The following CAMK4 variants were observed in gnomAD, a reference collection of about 807,000 sequenced individuals.
CAMK4 encodes calcium/calmodulin dependent protein kinase IV, also known as calcium/calmodulin-dependent protein kinase type IV.
In CAMK4, 22 loss-of-function variants were observed where a neutral mutation model predicts 44.9. That is an observed-to-expected ratio of 0.49 (90% CI 0.35 to 0.70). CAMK4 has a LOEUF of 0.70. Ranked by LOEUF, CAMK4 falls within the 30% of genes least tolerant of loss-of-function variation. CAMK4 has a pLI of 0.01. For synonymous variants in CAMK4, 218 were observed against 215.4 expected, an observed-to-expected ratio of 1.01 and a Z score of -0.11; for missense variants, 498 against 586.8, an observed-to-expected ratio of 0.85 and a Z score of 1.56.
intron 4 of CAMK4, among the ~76,000 whole-genome samples, chr5:111,378,193 A>G (rs771567829): frequency 6.6e-6 from 1 of 152,080 alleles, no homozygotes; most frequent in Non-Finnish European, 1.5e-5. Context: ...TTTACTATGT[A>G]AGGACACAGC....
intron 2 of CAMK4, among the ~76,000 whole-genome samples, chr5:111,354,876 C>T (rs779219831): frequency 1.3e-5 from 2 of 152,052 alleles, no homozygotes; most frequent in African/African-American, 4.8e-5. Flanking sequence ...AATGGAGATT[C>T]CCTGCTCTGT....
Position 111,478,857 on chromosome 5 carries a change from A to C in CAMK4, c.828+350A>C, listed in dbSNP as rs548953001. Among the ~76,000 whole-genome samples the C allele has an allele frequency of 3.1e-4, 47 of 152,232 alleles. 1 individual carries two copies. The South Asian group carries it at 9.7e-3, about 32-fold the overall frequency. On this transcript the variant is annotated intron_variant, in intron 9 of 10. Transcript: ENST00000282356. The stretch of plus-strand genomic sequence containing the variant: ...TTTAACATGGCTTGCAATTGCCTAG[A>C]ATTTAGATGTACTTCATTTCTTTTT...
chr5:111,365,486 G>A (rs1245150028), intron 2 of CAMK4, among the ~76,000 whole-genome samples: 22 of 146,432 alleles, frequency 1.5e-4, no homozygotes, highest in Non-Finnish European at 1.5e-5. Context: ...TTGAGATGGA[G>A]ACATACATGC....
In CAMK4 at chr5:111,430,342, C is replaced by T. The variant is rs78115050; in HGVS notation, c.460-16344C>T. 2.9e-3 allele frequency among the ~76,000 whole-genome samples: 441 copies of T among 152,218 alleles called. 3 individuals carry two copies. Among genetic ancestry groups the T allele is most frequent in the African/African-American group, 0.01 (431 of 41,518 alleles). On this transcript the variant is annotated intron_variant, in intron 5 of 10. Coordinates refer to ENST00000282356, the MANE Select transcript of CAMK4 (RefSeq NM_001744.6). ...CTCAACATAACCATATATGACTGAC[C>T]CACAGCTAGTATTATACTGAGTGGG...
chr5:111,348,444 T>G (rs928746988), intron 2 of CAMK4, among the ~76,000 whole-genome samples: 3 of 152,052 alleles, frequency 2.0e-5, no homozygotes, highest in Admixed American at 6.6e-5. Flanking sequence ...CTATGGATAG[T>G]AAAATATCCT....
chr5:111,389,792 T>C (rs952431856), intron 4 of CAMK4, among the ~76,000 whole-genome samples: 3 of 152,192 alleles, frequency 2.0e-5, no homozygotes, highest in African/African-American at 7.2e-5. Flanking sequence ...ACAACTCCCC[T>C]CTTTTAACAA....
intron 1 of CAMK4, among the ~76,000 whole-genome samples, chr5:111,296,884 A>G (rs1046290439): frequency 6.6e-6 from 1 of 152,210 alleles, no homozygotes; most frequent in Non-Finnish European, 1.5e-5. Context: ...GTTCTAAATC[A>G]ATACATTTTA....
intron 5 of CAMK4, among the ~76,000 whole-genome samples, chr5:111,442,739 TGTA>T (rs1753872420): frequency 6.7e-6 from 1 of 148,596 alleles, no homozygotes; most frequent in Admixed American, 6.7e-5. Flanking sequence ...TATTTTAGAA[TGTA>T]GTATATTTTA....
intron 2 of CAMK4, among the ~76,000 whole-genome samples, chr5:111,371,962 C>G (rs148107764): frequency 6.6e-6 from 1 of 152,136 alleles, no homozygotes; most frequent in Non-Finnish European, 1.5e-5. Context: ...CTGCTAGGTT[C>G]GTTCACCAGC....
chr5:111,491,105 A>G lies in CAMK4; in HGVS notation c.*6639A>G, dbSNP rs1010441502. 1 of 152,200 alleles carries G rather than the reference A, an allele frequency of 6.6e-6. No individual in the cohort carries two copies. Among genetic ancestry groups the G allele is most frequent in the Admixed American group, 6.5e-5 (1 of 15,280 alleles). The allele number at this position is 152,200 out of a possible 1,614,324, so 9.4% of individuals were successfully genotyped here. A position where few individuals can be genotyped will look rare whatever the true frequency, so the allele number is the denominator to read the frequency against. On this transcript the variant is annotated 3_prime_UTR_variant, in exon 11 of 11. Coordinates refer to ENST00000282356, the MANE Select transcript of CAMK4 (RefSeq NM_001744.6). ...TTAAAACTTATGTGCATATTTTTTT[A>G]AAGAGTAATTTCCACATAATTCCCC...
rs570885563 is a variant in CAMK4 at position 111,480,449 on chromosome 5, T to C, written c.828+1942T>C. On this transcript the variant is annotated intron_variant, in intron 9 of 10. Transcript: ENST00000282356. ...CCCAGTTCATAACAGTCATCACTTA[T>C]ATATTTAATGGTCCTCCTTAATTAG... is the stretch of plus-strand genomic sequence containing the variant. Among the ~76,000 whole-genome samples the C allele has an allele frequency of 4.4e-4, 67 of 152,250 alleles. 1 individual carries two copies. Among genetic ancestry groups the C allele is most frequent in the African/African-American group, 1.5e-3 (64 of 41,538 alleles).
intron 5 of CAMK4, among the ~76,000 whole-genome samples, chr5:111,396,227 T>C (rs928048262): frequency 1.3e-5 from 2 of 152,176 alleles, no homozygotes; most frequent in Non-Finnish European, 2.9e-5. Flanking sequence ...GCCCAGTCCT[T>C]CCAAATTATT....
intron 2 of CAMK4, among the ~76,000 whole-genome samples, chr5:111,360,258 A>T (rs1750535322): frequency 6.6e-6 from 1 of 152,020 alleles, no homozygotes; most frequent in Non-Finnish European, 1.5e-5. Context: ...TCTCAGAGCA[A>T]TGTTTTCCTT....
intron 7 of CAMK4, among the ~76,000 whole-genome samples, chr5:111,451,610 A>T (rs1335734745): frequency 2.6e-5 from 4 of 152,142 alleles, no homozygotes; most frequent in Admixed American, 2.6e-4. Flanking sequence ...TTATACCTCA[A>T]AAGTATTACT....
intron 2 of CAMK4, among the ~76,000 whole-genome samples, chr5:111,351,562 C>A (rs965993883): frequency 4.0e-5 from 6 of 151,726 alleles, no homozygotes; most frequent in Admixed American, 3.9e-4. Context: ...CATGCCACCA[C>A]ACCCGGCTAA....
intron 1 of CAMK4, among the ~76,000 whole-genome samples, chr5:111,328,495 C>G (rs893541055): frequency 1.3e-5 from 2 of 152,076 alleles, no homozygotes; most frequent in African/African-American, 2.4e-5. Flanking sequence ...GCGATGCGGG[C>G]TCTTTTTTGG....
At chr5:111,257,101 C>T (rs960813244) in intron 1 of CAMK4, among the ~76,000 whole-genome samples, 2 of 152,158 alleles carry the variant, frequency 1.3e-5, no homozygotes, top group Non-Finnish European at 2.9e-5. Flanking sequence ...GCAAAGATTT[C>T]ATGACAAAAA....
At chr5:111,396,984 C>T (rs1752037099) in intron 5 of CAMK4, among the ~76,000 whole-genome samples, 1 of 152,168 alleles carries the variant, frequency 6.6e-6, no homozygotes, top group Non-Finnish European at 1.5e-5. Flanking sequence ...TCATCTCTTG[C>T]AATCACTATT....
intron 5 of CAMK4, among the ~76,000 whole-genome samples, chr5:111,437,322 C>T (rs552050671): frequency 9.2e-5 from 14 of 152,270 alleles, no homozygotes; most frequent in Admixed American, 9.2e-4. Flanking sequence ...TTACTATCAC[C>T]TTTTGACTAT....
Sources: allele counts gnomAD v4.1 joint callset (sites outside exome capture counted in the v4.1 genomes callset), GRCh38; gene constraint gnomAD v4.1.1; transcripts MANE v1.5; gene names NCBI Gene and HGNC (gene_info 2026-07-23, HGNC 2026-07-21).